The following CDH23 variants were observed in gnomAD, a reference collection of about 807,000 sequenced individuals.
The protein encoded by CDH23 is cadherin-23.
CDH23 carries 189 observed loss-of-function variants against 317.1 expected under a neutral mutation model. The ratio of observed to expected loss-of-function variants is 0.60; its 90% CI spans 0.53 to 0.67. The LOEUF (loss-of-function observed/expected upper bound fraction) is 0.67. CDH23 is among the 30% of genes least tolerant of loss of function. CDH23 has a pLI of 0.00. For missense variants in CDH23, 4,401 were observed against 4,592.4 expected (o/e 0.96, Z 1.20); for synonymous variants, 1,839 against 1,876.8 (o/e 0.98, Z 0.52).
intron 30 of CDH23, 44 bp from the exon 31 acceptor site, chr10:71,730,425 C>T: frequency 2.5e-6 from 4 of 1,603,482 alleles, no homozygotes; most frequent in Non-Finnish European, 3.4e-6. Context: ...GCTTCCCAGC[C>T]TCCACCCCAC....
intron 1 of CDH23, among the ~76,000 whole-genome samples, chr10:71,433,631 C>A: frequency 6.6e-6 from 1 of 151,684 alleles, no homozygotes; most frequent in Non-Finnish European, 1.5e-5. Context: ...CCAGACTCGC[C>A]ATGTCTCAAA....
Position 71,656,080 on chromosome 10 carries a change from A to G in CDH23, c.1449+9463A>G, listed in dbSNP as rs1863404175. ...TCAGTCCAAGGAGAAGATGGGCTGG[A>G]GGCCTTCTGAATGCCCTTCATAGAT... On this transcript the variant is annotated intron_variant, in intron 14 of 69. Transcript: ENST00000224721. Among the ~76,000 whole-genome samples the G allele has an allele frequency of 5.9e-5, 9 of 152,104 alleles. 1 individual carries two copies. Among genetic ancestry groups the G allele is most frequent in the Admixed American group, 5.9e-4 (9 of 15,286 alleles).
At chr10:71,771,128 T>C (rs987738963) in intron 38 of CDH23, among the ~76,000 whole-genome samples, 1 of 152,140 alleles carries the variant, frequency 6.6e-6, no homozygotes, top group Non-Finnish European at 1.5e-5. Context: ...TGAGTCAGCC[T>C]GTGAGGACAG....
intron 1 of CDH23, among the ~76,000 whole-genome samples, chr10:71,432,203 T>C (rs992771790): frequency 2.6e-5 from 4 of 151,982 alleles, no homozygotes; most frequent in Non-Finnish European, 4.4e-5. Flanking sequence ...ATTGTGTGTG[T>C]GTGAGTGTGT....
At chr10:71,784,557 G>A (rs1244932721) in intron 42 of CDH23, 137 bp downstream of exon 42, 4 of 1,183,288 alleles carry the variant, frequency 3.4e-6, no homozygotes, top group Non-Finnish European at 4.7e-6. Context: ...TGCCCCTGGG[G>A]CCCTTAATAG....
chr10:71,793,697 C>A, intron 48 of CDH23, 57 bp downstream of exon 48: 1 of 1,239,822 alleles, frequency 8.1e-7, no homozygotes, highest in Non-Finnish European at 1.1e-6. Flanking sequence ...TGTCTCCTCG[C>A]TCCCTGCTTC....
At position 71,724,060 on chromosome 10, in the gene CDH23, G is replaced by A. The variant is rs746708121; in HGVS notation, c.3385G>A (p.Ala1129Thr). Residue 1129 changes from alanine (A) to threonine (T), a missense_variant, in exon 29 of 70, where the codon GCA (alanine) becomes ACA (threonine). Transcript: ENST00000224721. ...HSILQLKATD[A>T]DEGEFGRVWY... ...TCTTCCTCAGCTGAAAGCCACGGAC[G>A]CAGATGAGGGCGAGTTTGGGCGTGT... 1.7e-5 allele frequency: 26 copies of A among 1,560,380 alleles called. No homozygotes were observed. Among genetic ancestry groups the A allele is most frequent in the South Asian group, 4.7e-5 (4 of 84,530 alleles).
chr10:71,740,989 G>A (rs1246242534), intron 37 of CDH23, 39 bp downstream of exon 37: 1 of 1,612,152 alleles, frequency 6.2e-7, no homozygotes, highest in East Asian at 2.2e-5. Flanking sequence ...TGGACATACG[G>A]GGGGACCGTG....
intron 3 of CDH23, among the ~76,000 whole-genome samples, chr10:71,476,093 T>G (rs554602769): frequency 1.3e-5 from 2 of 152,260 alleles, no homozygotes; most frequent in East Asian, 3.9e-4. Flanking sequence ...TGAGGATAAC[T>G]GTACAGAGAC....
At chr10:71,495,671 A>G (rs75069019) in intron 3 of CDH23, among the ~76,000 whole-genome samples, 1 of 134,502 alleles carries the variant, frequency 7.4e-6, no homozygotes, top group Non-Finnish European at 1.5e-5. Context: ...CATCTCTATT[A>G]AAAAAAAAAA....
chr10:71,669,250 A>C (rs115807380), intron 14 of CDH23, among the ~76,000 whole-genome samples: 2,459 of 152,228 alleles, frequency 0.016, 71 homozygotes, highest in African/African-American at 0.056. Context: ...CTGGACTTCT[A>C]GGTGCGCAGC....
intron 62 of CDH23, 55 bp from the exon 63 acceptor site, chr10:71,811,260 T>C: frequency 6.2e-7 from 1 of 1,612,784 alleles, no homozygotes; most frequent in South Asian, 1.1e-5. Flanking sequence ...GAGCAGACTG[T>C]CGGTGGTGGG....
At chr10:71,806,036 C>CCGGGGGGGGGGGGGGGGGTGGGGGGG in intron 56 of CDH23, 39 bp downstream of exon 56, 1 of 642,642 alleles carries the variant, frequency 1.6e-6, no homozygotes. Context: ...GGGTCTGGGG[C>CCGGGGGGGGGGGGGGGGGTGGGGGGG]GGGGCTTTCT....
At chr10:71,784,176 GT>G (rs1841033306) in intron 41 of CDH23, 110 bp from the exon 42 acceptor site, 1 of 1,234,102 alleles carries the variant, frequency 8.1e-7, no homozygotes, top group Non-Finnish European at 1.1e-6. Context: ...GGCCCCAGCT[GT>G]CCCCCACCTG....
At chr10:71,667,652 G>C (rs1863972006) in intron 14 of CDH23, among the ~76,000 whole-genome samples, 1 of 152,094 alleles carries the variant, frequency 6.6e-6, no homozygotes, top group Non-Finnish European at 1.5e-5. Flanking sequence ...CAGGCAACCT[G>C]TAAGGTGGGG....
intron 15 of CDH23, 59 bp downstream of exon 15, chr10:71,675,235 A>T: frequency 6.9e-7 from 1 of 1,454,176 alleles, no homozygotes; most frequent in Non-Finnish European, 9.6e-7. Context: ...CCCTCCCCAG[A>T]CTCATGAGAT....
chr10:71,767,090 T>C (rs544982197), intron 38 of CDH23, among the ~76,000 whole-genome samples: 75 of 152,378 alleles, frequency 4.9e-4, no homozygotes, highest in African/African-American at 1.2e-3. Flanking sequence ...GGCCTGGACC[T>C]GTGCCTGAGA....
chr10:71,645,914 G>A lies in CDH23; in HGVS notation c.1224G>A (p.Lys408=), dbSNP rs772522793. 5.0e-6 allele frequency: 8 copies of A among 1,613,582 alleles called. No individual in the cohort carries two copies. In the Admixed American group the frequency reaches 1.2e-4, roughly 24 times the overall value. ...TCTCCCCGACCTCCGTCCAGGGGAAGGCGGACATTCGTATTCGGGTGGCCA... is the reference window on the plus strand; with the variant it reads ...TCTCCCCGACCTCCGTCCAGGGGAAAGCGGACATTCGTATTCGGGTGGCCA... The part of the protein sequence containing the change: ...FIISPTSVQG[K]ADIRIRVAIP... Residue 408 remains lysine, a synonymous_variant, in exon 13 of 70, where the codon AAG becomes AAA. Transcript: ENST00000224721.
At chr10:71,775,537 T>C (rs1464496441) in intron 38 of CDH23, among the ~76,000 whole-genome samples, 2 of 152,122 alleles carry the variant, frequency 1.3e-5, no homozygotes, top group African/African-American at 4.8e-5. Context: ...CCAAGGACCA[T>C]GGTCCAGAAA....
Sources: allele counts gnomAD v4.1 joint callset (sites outside exome capture counted in the v4.1 genomes callset), GRCh38; gene constraint gnomAD v4.1.1; transcripts MANE v1.5; gene names NCBI Gene and HGNC (gene_info 2026-07-23, HGNC 2026-07-21).